The following DDAH1 variants were observed in gnomAD, a reference collection of about 807,000 sequenced individuals.
DDAH1 encodes the protein dimethylarginine dimethylaminohydrolase 1.
DDAH1 carries 19 observed loss-of-function variants against 28.8 expected under a neutral mutation model. The observed-to-expected ratio is 0.66, with a 90% CI of 0.46 to 0.97. DDAH1 has a LOEUF of 0.97. DDAH1 is among the 50% of genes least tolerant of loss of function. The pLI, the probability that DDAH1 is intolerant of heterozygous loss-of-function variation, is 0.00. For missense variants in DDAH1, 326 were observed against 375.9 expected, an observed-to-expected ratio of 0.87 and a Z score of 1.10; for synonymous variants, 153 against 154.4, an observed-to-expected ratio of 0.99 and a Z score of 0.07.
chr1:85,532,346 T>C (rs56973828), intron 1 of DDAH1, among the ~76,000 whole-genome samples: 4,308 of 149,686 alleles, frequency 0.029, 94 homozygotes, highest in East Asian at 0.063. Context: ...AAAAACAATC[T>C]TTTGTGCTTT....
chr1:85,321,197 A>T lies in DDAH1; in HGVS notation c.*255T>A, dbSNP rs1661322032. On this transcript the variant is annotated 3_prime_UTR_variant, in exon 6 of 6. Coordinates refer to ENST00000284031, the MANE Select transcript of DDAH1 (RefSeq NM_012137.4). ...GAGTGTTTCCTTACTGGGATTAATC[A>T]CATTTTGATAATTCATTAGCTCTGT... The T allele has an allele frequency of 1.6e-5, 6 of 373,140 alleles. No individual in the cohort carries two copies. Among genetic ancestry groups the T allele is most frequent in the Non-Finnish European group, 2.9e-5 (6 of 205,532 alleles). 23.1% of individuals were successfully genotyped at this position (373,140 alleles called of 1,614,324 possible). A position where few individuals can be genotyped will look rare whatever the true frequency, so the allele number is the denominator to read the frequency against.
exon 1 of DDAH1, chr1:85,578,066 G>T: frequency 1.0e-6 from 1 of 957,524 alleles, no homozygotes; most frequent in South Asian, 4.8e-5. Flanking sequence ...AGAAGGCGAC[G>T]GGAGGCTGGG....
chr1:85,451,974 T>C (rs1654686639), intron 1 of DDAH1, among the ~76,000 whole-genome samples: 1 of 152,212 alleles, frequency 6.6e-6, no homozygotes, highest in African/African-American at 2.4e-5. Context: ...TGTACAGAAA[T>C]ACTCTGTAGC....
chr1:85,333,899 A>G (rs1466293210), intron 4 of DDAH1, among the ~76,000 whole-genome samples: 1 of 152,256 alleles, frequency 6.6e-6, no homozygotes, highest in Non-Finnish European at 1.5e-5. Flanking sequence ...AAACTCCCTA[A>G]GTCTAGCAAG....
intron 2 of DDAH1, among the ~76,000 whole-genome samples, chr1:85,473,734 C>A (rs1655701890): frequency 6.6e-6 from 1 of 152,176 alleles, no homozygotes; most frequent in Admixed American, 6.6e-5. Flanking sequence ...GCCAGTCTGT[C>A]TCTCTCCCTC....
chr1:85,533,193 G>A (rs554120811), intron 1 of DDAH1, among the ~76,000 whole-genome samples: 89 of 152,226 alleles, frequency 5.8e-4, no homozygotes, highest in Middle Eastern at 3.4e-3. Context: ...AATTTTCACC[G>A]TGTAGACATT....
At chr1:85,569,236 T>C (rs1053955230) in intron 1 of DDAH1, among the ~76,000 whole-genome samples, 1 of 152,240 alleles carries the variant, frequency 6.6e-6, no homozygotes, top group Non-Finnish European at 1.5e-5. Context: ...TTTGTTTTGT[T>C]TCCAGTCTAC....
intron 2 of DDAH1, among the ~76,000 whole-genome samples, chr1:85,490,264 C>T (rs567229442): frequency 3.9e-4 from 60 of 152,164 alleles, no homozygotes; most frequent in Middle Eastern, 3.4e-3. Context: ...GACTAAAAGA[C>T]CTGAAAGTAA....
chr1:85,364,922 G>A (rs1570437147), intron 1 of DDAH1, among the ~76,000 whole-genome samples: 1 of 151,802 alleles, frequency 6.6e-6, no homozygotes, highest in African/African-American at 2.4e-5. Context: ...TCAATGATCC[G>A]GTCTTAAAAA....
intron 1 of DDAH1, among the ~76,000 whole-genome samples, chr1:85,367,490 T>C (rs560383338): frequency 6.6e-6 from 1 of 152,330 alleles, no homozygotes; most frequent in South Asian, 2.1e-4. Flanking sequence ...TAACCACTCA[T>C]AACACTATCA....
intron 4 of DDAH1, among the ~76,000 whole-genome samples, chr1:85,345,013 A>T (rs895121791): frequency 6.6e-6 from 1 of 152,174 alleles, no homozygotes; most frequent in Non-Finnish European, 1.5e-5. Context: ...TAACATATAT[A>T]TTTTTCCTAA....
intron 4 of DDAH1, among the ~76,000 whole-genome samples, chr1:85,344,388 G>T (rs1214794064): frequency 6.6e-6 from 1 of 152,140 alleles, no homozygotes; most frequent in African/African-American, 2.4e-5. Context: ...TCTCCCACGG[G>T]GTTAGGAAGG....
intron 2 of DDAH1, chr1:85,495,584 A>G (rs1429806992): frequency 6.6e-6 from 1 of 152,242 alleles, no homozygotes; most frequent in Non-Finnish European, 1.5e-5. Flanking sequence ...TGCCATGATC[A>G]GCTGGAATGA....
upstream of DDAH1, among the ~76,000 whole-genome samples, chr1:85,466,761 G>C (rs1347850115): frequency 1.4e-5 from 2 of 147,426 alleles, no homozygotes; most frequent in Non-Finnish European, 3.0e-5. Context: ...GGTGAAAGTT[G>C]ATCTTTTACC....
intron 1 of DDAH1, among the ~76,000 whole-genome samples, chr1:85,444,428 T>C (rs994521606): frequency 2.0e-5 from 3 of 152,316 alleles, no homozygotes; most frequent in East Asian, 3.9e-4. Flanking sequence ...CAGTATTTTA[T>C]TGAGGACTTT....
chr1:85,560,032 A>G (rs1570675302), intron 1 of DDAH1, among the ~76,000 whole-genome samples: 2 of 152,278 alleles, frequency 1.3e-5, no homozygotes, highest in South Asian at 4.1e-4. Flanking sequence ...ATTGAAAACC[A>G]GTGATAAGGA....
chr1:85,410,535 A>G (rs6576766), intron 1 of DDAH1, among the ~76,000 whole-genome samples: 95,695 of 151,558 alleles, frequency 0.63, 30,282 homozygotes, highest in African/African-American at 0.67. Context: ...GCTATTCAGG[A>G]GGCTGAGGCA....
intron 4 of DDAH1, among the ~76,000 whole-genome samples, chr1:85,329,717 A>C (rs929577291): frequency 6.6e-6 from 1 of 152,242 alleles, no homozygotes; most frequent in African/African-American, 2.4e-5. Flanking sequence ...GAAGCTTTTC[A>C]ATTAATTTAT....
chr1:85,383,134 C>A (rs1220756367), intron 1 of DDAH1, among the ~76,000 whole-genome samples: 3 of 152,124 alleles, frequency 2.0e-5, no homozygotes, highest in Non-Finnish European at 4.4e-5. Context: ...AACTGTGATT[C>A]CTCTGATGAA....
Sources: allele counts gnomAD v4.1 joint callset (sites outside exome capture counted in the v4.1 genomes callset), GRCh38; gene constraint gnomAD v4.1.1; transcripts MANE v1.5; gene names NCBI Gene and HGNC (gene_info 2026-07-23, HGNC 2026-07-21).